KCNJ4: variants seen among roughly 807,000 people sequenced by gnomAD.
KCNJ4 encodes inward rectifier potassium channel 4.
In KCNJ4, 3 loss-of-function variants were observed where a neutral mutation model predicts 25.6. The ratio of observed to expected loss-of-function variants is 0.12; its 90% CI spans 0.05 to 0.30. The LOEUF (loss-of-function observed/expected upper bound fraction) is 0.30. Among genes scored for constraint, KCNJ4 ranks in the 10% least tolerant of loss-of-function variants. The pLI is 1.00. For synonymous variants in KCNJ4, 257 were observed against 283.9 expected (o/e 0.91, Z 0.95); for missense variants, 286 against 666.8 (o/e 0.43, Z 6.29).
At chr22:38,451,545 AAGG>A (rs1335325101) in intron 1 of KCNJ4, among the ~76,000 whole-genome samples, 1 of 152,148 alleles carries the variant, frequency 6.6e-6, no homozygotes, top group African/African-American at 2.4e-5. Context: ...GGGAGGGAGA[AAGG>A]AGGTGGCCGA....
intron 1 of KCNJ4, among the ~76,000 whole-genome samples, chr22:38,438,471 T>C (rs2145939851): frequency 6.6e-6 from 1 of 150,706 alleles, no homozygotes; most frequent in Non-Finnish European, 1.5e-5. Context: ...GGGTGGATCA[T>C]GAAGTCAGGA....
chr22:38,452,945 C>T (rs1276881362), intron 1 of KCNJ4, among the ~76,000 whole-genome samples: 1 of 151,674 alleles, frequency 6.6e-6, no homozygotes, highest in Non-Finnish European at 1.5e-5. Flanking sequence ...ACCATGTTGC[C>T]GGTTGTCATG....
At chr22:38,445,411 A>G (rs754622308) in intron 1 of KCNJ4, among the ~76,000 whole-genome samples, 6 of 152,250 alleles carry the variant, frequency 3.9e-5, no homozygotes, top group Non-Finnish European at 7.3e-5. Context: ...ATTTCTACAC[A>G]GGACAGTAGC....
At chr22:38,434,737 A>G (rs1425586949) in intron 1 of KCNJ4, among the ~76,000 whole-genome samples, 3 of 152,114 alleles carry the variant, frequency 2.0e-5, no homozygotes, top group Admixed American at 6.5e-5. Context: ...CTCACTGTCT[A>G]TCTGCAGCAC....
intron 1 of KCNJ4, among the ~76,000 whole-genome samples, chr22:38,438,376 C>T (rs1456984816): frequency 7.3e-6 from 1 of 136,238 alleles, no homozygotes; most frequent in East Asian, 2.3e-4. Flanking sequence ...GGTGACAGAG[C>T]AAGACTCTGT....
Position 38,428,040 on chromosome 22 carries a change from G to A in KCNJ4, c.93C>T (p.Tyr31=), listed in dbSNP as rs879143851. Residue 31 remains tyrosine, a synonymous_variant, in exon 2 of 2, where the codon TAC becomes TAT. Coordinates refer to ENST00000303592, the MANE Select transcript of KCNJ4 (RefSeq NM_152868.3). ...GCGACTTGTTGCTCAGGTTGGCGAA[G>A]TACACGTTGCATTGGCCGTTCTTCT... is the stretch of plus-strand genomic sequence containing the variant. ...FVKKNGQCNV[Y]FANLSNKSQR... is the part of the protein sequence containing the mutation. 6.8e-6 allele frequency: 11 copies of A among 1,614,204 alleles called. No homozygotes were observed. The highest frequency in any genetic ancestry group is 1.6e-4 in the Middle Eastern group (1 of 6,062).
Position 38,427,775 on chromosome 22 carries a change from C to T in KCNJ4, c.358G>A (p.Gly120Ser), listed in dbSNP as rs1392241257. ...APKPCIMHVN[G>S]FLGAFLFSVE... ...GAGAACAGGAAGGCACCCAGGAAGCCGTTCACGTGCATGATGCAGGGCTTG... is the reference window on the plus strand; with the variant it reads ...GAGAACAGGAAGGCACCCAGGAAGCTGTTCACGTGCATGATGCAGGGCTTG... Residue 120 changes from glycine (G) to serine (S), a missense_variant, in exon 2 of 2, where the codon GGC (glycine) becomes AGC (serine). Transcript: ENST00000303592. 18 of 1,609,320 alleles carry T rather than the reference C, an allele frequency of 1.1e-5. No homozygotes were observed. Among genetic ancestry groups the T allele is most frequent in the Non-Finnish European group, 1.5e-5 (18 of 1,178,296 alleles).
Position 38,426,895 on chromosome 22 carries a change from A to G in KCNJ4, c.1238T>C (p.Ile413Thr), listed in dbSNP as rs1202118693. ...LEAGSKEEAGIIRMLEFGSHL... is the reference protein window; with the variant it reads ...LEAGSKEEAGTIRMLEFGSHL... ...GCTGCCGAACTCCAGCATCCGGATG[A>G]TGCCCGCCTCCTCCTTGGAACCCGC... The change falls in exon 2 of 2, where the codon ATC (isoleucine) becomes ACC (threonine). Residue 413 changes from isoleucine (I) to threonine (T), a missense_variant. Coordinates refer to ENST00000303592, the MANE Select transcript of KCNJ4 (RefSeq NM_152868.3). 1 of 1,612,894 alleles carries G rather than the reference A, an allele frequency of 6.2e-7. No homozygotes were observed. The highest frequency in any genetic ancestry group is 8.5e-7 in the Non-Finnish European group (1 of 1,179,942).
In KCNJ4 at chr22:38,427,359, G is replaced by A. The variant is rs1289641095; in HGVS notation, c.774C>T (p.Pro258=). Residue 258 remains proline (P), a synonymous_variant, in exon 2 of 2, where the codon CCC becomes CCT. Coordinates refer to ENST00000303592, the MANE Select transcript of KCNJ4 (RefSeq NM_152868.3). ...IGLDRIFLVS[P]IIIVHEIDED... is the part of the protein sequence containing the mutation. ...CGTCGATCTCGTGGACAATGATGAT[G>A]GGCGACACCAGGAAGATGCGGTCCA... is the stretch of plus-strand genomic sequence containing the variant. 4 of 1,614,040 alleles carry A rather than the reference G, an allele frequency of 2.5e-6. No individual in the cohort carries two copies. In the South Asian group the frequency reaches 3.3e-5, roughly 13 times the overall value.
At chr22:38,452,147 T>A (rs1014214768) in intron 1 of KCNJ4, among the ~76,000 whole-genome samples, 1 of 152,186 alleles carries the variant, frequency 6.6e-6, no homozygotes, top group Non-Finnish European at 1.5e-5. Flanking sequence ...CAGGGCTCCC[T>A]CCTCTGGGCC....
chr22:38,446,233 T>C (rs1288138905), intron 1 of KCNJ4, among the ~76,000 whole-genome samples: 1 of 152,228 alleles, frequency 6.6e-6, no homozygotes, highest in Non-Finnish European at 1.5e-5. Context: ...CATTCTCCTC[T>C]GTCCTCTAGC....
chr22:38,448,410 A>G (rs1179568204), intron 1 of KCNJ4, among the ~76,000 whole-genome samples: 1 of 152,186 alleles, frequency 6.6e-6, no homozygotes, highest in African/African-American at 2.4e-5. Context: ...CCCCAGATGG[A>G]CAGTGGCCTA....
intron 1 of KCNJ4, among the ~76,000 whole-genome samples, chr22:38,429,070 C>G (rs2093041258): frequency 8.3e-6 from 1 of 120,358 alleles, no homozygotes; most frequent in South Asian, 2.8e-4. Context: ...GGTCACAGAG[C>G]AAGACCCCAT....
At chr22:38,431,493 C>A (rs1469396795) in intron 1 of KCNJ4, among the ~76,000 whole-genome samples, 1 of 152,242 alleles carries the variant, frequency 6.6e-6, no homozygotes, top group East Asian at 1.9e-4. Context: ...CCGGTGCCTC[C>A]CCGACAGCCC....
At chr22:38,437,530 G>A (rs1430403171) in intron 1 of KCNJ4, among the ~76,000 whole-genome samples, 2 of 152,224 alleles carry the variant, frequency 1.3e-5, no homozygotes, top group African/African-American at 4.8e-5. Context: ...TGGACTGCAC[G>A]CTAGCTGTGG....
At chr22:38,432,969 T>C (rs186080227) in intron 1 of KCNJ4, among the ~76,000 whole-genome samples, 92 of 151,148 alleles carry the variant, frequency 6.1e-4, no homozygotes, top group Non-Finnish European at 1.0e-3. Flanking sequence ...AGACTCCATC[T>C]CAAAAAAAAG....
intron 1 of KCNJ4, among the ~76,000 whole-genome samples, chr22:38,438,004 C>T (rs772962920): frequency 2.5e-4 from 38 of 151,594 alleles, no homozygotes; most frequent in Middle Eastern, 3.4e-3. Flanking sequence ...TTTGGGAGGT[C>T]GAGGTGGGTG....
At chr22:38,452,720 C>G (rs1326027132) in intron 1 of KCNJ4, among the ~76,000 whole-genome samples, 3 of 151,944 alleles carry the variant, frequency 2.0e-5, no homozygotes, top group African/African-American at 7.3e-5. Context: ...GCAGGAGGAG[C>G]CCCCTGCCCT....
At chr22:38,450,968 G>T (rs2089407163) in intron 1 of KCNJ4, among the ~76,000 whole-genome samples, 1 of 151,958 alleles carries the variant, frequency 6.6e-6, no homozygotes, top group Non-Finnish European at 1.5e-5. Flanking sequence ...TCACACCCAG[G>T]CTCCTCTGCT....
Sources: allele counts gnomAD v4.1 joint callset (sites outside exome capture counted in the v4.1 genomes callset), GRCh38; gene constraint gnomAD v4.1.1; transcripts MANE v1.5; gene names NCBI Gene and HGNC (gene_info 2026-07-23, HGNC 2026-07-21).